Variants in NCALD observed in about 807,000 individuals in gnomAD.
NCALD encodes neurocalcin-delta.
NCALD carries 10 observed loss-of-function variants against 18.6 expected under a neutral mutation model. That is an observed-to-expected ratio of 0.54 (90% CI 0.33 to 0.91). The LOEUF (loss-of-function observed/expected upper bound fraction) is 0.91. Among genes scored for constraint, NCALD ranks in the 40% least tolerant of loss-of-function variants. NCALD has a pLI of 0.03. For synonymous variants in NCALD, 88 were observed against 87.4 expected (o/e 1.01, Z -0.04); for missense variants, 184 against 247.6 (o/e 0.74, Z 1.72).
chr8:101,864,374 C>T (rs73280829), intron 4 of NCALD, among the ~76,000 whole-genome samples: 1,703 of 152,246 alleles, frequency 0.011, 31 homozygotes, highest in African/African-American at 0.037. Flanking sequence ...TGATGGAATG[C>T]CAGTGCTGAT....
chr8:101,908,152 G>T (rs775256307), intron 3 of NCALD, among the ~76,000 whole-genome samples: 1 of 152,158 alleles, frequency 6.6e-6, no homozygotes, highest in Non-Finnish European at 1.5e-5. Context: ...AGGACAATAA[G>T]ATAGGAATAA....
At chr8:101,946,753 G>A (rs767362673) in intron 2 of NCALD, among the ~76,000 whole-genome samples, 3 of 131,366 alleles carry the variant, frequency 2.3e-5, no homozygotes, top group Non-Finnish European at 4.7e-5. Flanking sequence ...ATTTTAAGAA[G>A]GAATGAAATA....
chr8:101,911,295 G>T (rs561849829), intron 3 of NCALD, among the ~76,000 whole-genome samples: 158 of 149,686 alleles, frequency 1.1e-3, no homozygotes, highest in African/African-American at 3.8e-3. Flanking sequence ...GAGAAGGGGG[G>T]AGAAGGAGAA....
At chr8:101,935,626 G>C (rs1273529227) in intron 2 of NCALD, among the ~76,000 whole-genome samples, 11 of 152,136 alleles carry the variant, frequency 7.2e-5, no homozygotes. Context: ...TGGGGGCCTT[G>C]ACAAAGTCTT....
At chr8:102,068,633 A>C (rs1231075193) in intron 1 of NCALD, among the ~76,000 whole-genome samples, 1 of 152,168 alleles carries the variant, frequency 6.6e-6, no homozygotes, top group Non-Finnish European at 1.5e-5. Flanking sequence ...GATTTCCTCC[A>C]TTCTAGCTCT....
chr8:101,778,952 TAA>T (rs1250252531), intron 1 of NCALD, among the ~76,000 whole-genome samples: 1 of 152,080 alleles, frequency 6.6e-6, no homozygotes, highest in Non-Finnish European at 1.5e-5. Flanking sequence ...AAGAAAATCC[TAA>T]AAGTTCATGG....
At chr8:101,975,621 C>A (rs1003889175) in intron 2 of NCALD, among the ~76,000 whole-genome samples, 7 of 152,262 alleles carry the variant, frequency 4.6e-5, no homozygotes, top group Middle Eastern at 3.4e-3. Context: ...TTTGTGAGAC[C>A]TCTACGATTT....
chr8:102,018,011 A>G (rs1168621634), intron 2 of NCALD, among the ~76,000 whole-genome samples: 1 of 152,194 alleles, frequency 6.6e-6, no homozygotes, highest in Admixed American at 6.5e-5. Flanking sequence ...TCATTAGGGA[A>G]ATGAAAATTA....
chr8:102,087,304 G>C (rs1805339610), intron 1 of NCALD, among the ~76,000 whole-genome samples: 1 of 151,994 alleles, frequency 6.6e-6, no homozygotes, highest in Non-Finnish European at 1.5e-5. Context: ...TGGGTAAGTG[G>C]TGGGGTCTGG....
intron 1 of NCALD, among the ~76,000 whole-genome samples, chr8:102,094,531 C>T (rs1413945910): frequency 2.0e-5 from 3 of 152,186 alleles, no homozygotes; most frequent in Non-Finnish European, 4.4e-5. Context: ...TCGAAGCCAG[C>T]GATTGCTAGT....
intron 2 of NCALD, among the ~76,000 whole-genome samples, chr8:101,715,112 TA>T (rs1369993760): frequency 6.6e-6 from 1 of 151,942 alleles, no homozygotes; most frequent in Admixed American, 6.6e-5. Context: ...AACACCATGG[TA>T]CTGGTACCAA....
rs185523632 is a variant in NCALD, at chr8:101,732,337, T to C, written c.-19-12689A>G. Reference sequence around the variant, plus strand: ...ATCACTTAACTTAGCAGAGGAGGTATAGGAGGAGCTCAAGTCCCCATTTTT... The same window carrying C: ...ATCACTTAACTTAGCAGAGGAGGTACAGGAGGAGCTCAAGTCCCCATTTTT... On this transcript the variant is annotated intron_variant, in intron 1 of 3. Transcript: ENST00000220931. Among the ~76,000 whole-genome samples the C allele has an allele frequency of 2.6e-5, 4 of 152,258 alleles. No individual in the cohort carries two copies. In the East Asian group the frequency reaches 5.8e-4, roughly 22 times the overall value.
intron 1 of NCALD, among the ~76,000 whole-genome samples, chr8:101,772,396 A>G (rs1811620823): frequency 6.6e-6 from 1 of 152,154 alleles, no homozygotes; most frequent in Admixed American, 6.6e-5. Context: ...TGATTTAGAA[A>G]TCGTATCTTC....
chr8:101,823,285 C>CA (rs1349732856), intron 4 of NCALD, among the ~76,000 whole-genome samples: 1 of 152,146 alleles, frequency 6.6e-6, no homozygotes, highest in African/African-American at 2.4e-5. Context: ...GAAAAAGAAG[C>CA]AAAAGAGAAA....
At chr8:101,841,642 G>C (rs73277026) in intron 4 of NCALD, among the ~76,000 whole-genome samples, 12,342 of 152,198 alleles carry the variant, frequency 0.081, 1,083 homozygotes, top group African/African-American at 0.22. Context: ...CCTGCTTATA[G>C]TCTTGTTGTC....
chr8:101,875,099 G>A (rs887383867), intron 4 of NCALD, among the ~76,000 whole-genome samples: 3 of 152,200 alleles, frequency 2.0e-5, no homozygotes, highest in Non-Finnish European at 2.9e-5. Context: ...AAGTAGTCTA[G>A]ACAGTCTGAC....
intron 1 of NCALD, among the ~76,000 whole-genome samples, chr8:102,094,355 TC>T (rs1825022190): frequency 6.6e-6 from 1 of 152,188 alleles, no homozygotes; most frequent in Non-Finnish European, 1.5e-5. Flanking sequence ...TACGTGAACC[TC>T]CCAATAGCTC....
At chr8:101,727,498 A>G (rs1816625033) in intron 1 of NCALD, among the ~76,000 whole-genome samples, 1 of 152,100 alleles carries the variant, frequency 6.6e-6, no homozygotes, top group African/African-American at 2.4e-5. Context: ...GGGTCTCGCA[A>G]TGTCACCCAA....
chr8:101,692,655 C>T (rs913473968), intron 3 of NCALD, 136 bp downstream of exon 3: 9 of 1,379,728 alleles, frequency 6.5e-6, no homozygotes, highest in Non-Finnish European at 8.6e-6. Context: ...TGGTCCTCTC[C>T]CCTCCTACCC....
Sources: gnomAD v4.1 joint callset for allele counts (sites outside exome capture counted in the v4.1 genomes callset) on GRCh38, gnomAD v4.1.1 for gene constraint, MANE v1.5 for transcripts, NCBI Gene and HGNC (gene_info 2026-07-23, HGNC 2026-07-21) for gene names.